The following ANXA10 variants were observed in gnomAD, a reference collection of about 807,000 sequenced individuals.
ANXA10 encodes the protein annexin A10, also known as annexin 14.
In ANXA10, 49 loss-of-function variants were observed where a neutral mutation model predicts 53.5. The ratio of observed to expected loss-of-function variants is 0.92; its 90% CI spans 0.73 to 1.16. The LOEUF (loss-of-function observed/expected upper bound fraction) is 1.16. Among genes scored for constraint, ANXA10 ranks in the 50% most tolerant of loss-of-function variants. The pLI, the probability that ANXA10 is intolerant of heterozygous loss-of-function variation, is 0.00. For missense variants in ANXA10, 393 were observed against 394.4 expected (o/e 1.00, Z 0.03); for synonymous variants, 131 against 128.9 (o/e 1.02, Z -0.11).
At chr4:168,180,678 G>A (rs1314885916) in intron 9 of ANXA10, among the ~76,000 whole-genome samples, 2 of 152,012 alleles carry the variant, frequency 1.3e-5, no homozygotes, top group Non-Finnish European at 2.9e-5. Context: ...AAAGATGAGG[G>A]TATAATCTCA....
In ANXA10 at chr4:168,127,791, A is replaced by G. The variant is rs374826122; in HGVS notation, c.19-293A>G. Reference sequence around the variant, plus strand: ...ACACACAGAATATACTTTCATTTTCATTTGTCTGGAAAACAATGTTGAAAC... The same window carrying G: ...ACACACAGAATATACTTTCATTTTCGTTTGTCTGGAAAACAATGTTGAAAC... On this transcript the variant is annotated intron_variant, in intron 1 of 11. Transcript: ENST00000359299. The G allele has an allele frequency of 1.8e-3, 667 of 367,466 alleles. 4 individuals are homozygous for G. The Middle Eastern group carries it at 0.03, about 17-fold the overall frequency. The allele number at this position is 367,466 out of a possible 1,614,324, so 22.8% of individuals were successfully genotyped here. A position where few individuals can be genotyped will look rare whatever the true frequency, so the allele number is the denominator to read the frequency against.
intron 1 of ANXA10, among the ~76,000 whole-genome samples, chr4:168,105,575 C>T (rs1730707416): frequency 6.6e-6 from 1 of 152,024 alleles, no homozygotes; most frequent in Non-Finnish European, 1.5e-5. Context: ...CTATAGTGAA[C>T]ATAAACATGC....
chr4:168,094,937 C>A (rs1730517839), intron 1 of ANXA10, among the ~76,000 whole-genome samples: 1 of 151,962 alleles, frequency 6.6e-6, no homozygotes, highest in Non-Finnish European at 1.5e-5. Flanking sequence ...TACTTATGTG[C>A]TTGACTGTAA....
At chr4:168,168,832 A>G (rs544657531) in intron 6 of ANXA10, among the ~76,000 whole-genome samples, 3 of 152,210 alleles carry the variant, frequency 2.0e-5, no homozygotes, top group Non-Finnish European at 4.4e-5. Context: ...ACTTATGATG[A>G]TGACTATATT....
chr4:168,180,333 C>T (rs1473138714), intron 9 of ANXA10, among the ~76,000 whole-genome samples: 1 of 152,298 alleles, frequency 6.6e-6, no homozygotes, highest in Admixed American at 6.5e-5. Flanking sequence ...TAAGTAACTG[C>T]CTCCAAGCCT....
intron 3 of ANXA10, among the ~76,000 whole-genome samples, chr4:168,144,552 T>G (rs1212793036): frequency 1.3e-5 from 2 of 152,242 alleles, no homozygotes; most frequent in Non-Finnish European, 2.9e-5. Context: ...TCAGTTTTTT[T>G]CTATCATTTC....
intron 1 of ANXA10, among the ~76,000 whole-genome samples, chr4:168,110,975 A>G (rs1477846463): frequency 1.3e-5 from 2 of 152,194 alleles, no homozygotes; most frequent in Non-Finnish European, 2.9e-5. Context: ...TCTAGATAAT[A>G]ATATCACTGG....
At chr4:168,117,157 C>A (rs1205235302) in intron 1 of ANXA10, among the ~76,000 whole-genome samples, 1 of 152,086 alleles carries the variant, frequency 6.6e-6, no homozygotes, top group Non-Finnish European at 1.5e-5. Flanking sequence ...GTGGGAAGAT[C>A]ACTTGAGCCT....
At chr4:168,118,809 T>A (rs926622892) in intron 1 of ANXA10, among the ~76,000 whole-genome samples, 2 of 152,178 alleles carry the variant, frequency 1.3e-5, no homozygotes, top group Non-Finnish European at 2.9e-5. Context: ...ACCTTCATGG[T>A]ATATCCTATT....
intron 1 of ANXA10, among the ~76,000 whole-genome samples, chr4:168,101,781 C>A (rs1331276488): frequency 1.3e-5 from 2 of 152,076 alleles, no homozygotes; most frequent in African/African-American, 4.8e-5. Context: ...TACTTTTGTA[C>A]ATGTGTATGC....
intron 3 of ANXA10, among the ~76,000 whole-genome samples, chr4:168,160,124 G>A (rs1731756490): frequency 6.6e-6 from 1 of 152,092 alleles, no homozygotes; most frequent in Admixed American, 6.6e-5. Flanking sequence ...GTAAACATGT[G>A]CCATGGTGGT....
Position 168,153,673 on chromosome 4 carries a change from A to G in ANXA10, c.196-8855A>G, listed in dbSNP as rs1249838742. ...TTGGAAAGACATATATTGAATGCCT[A>G]TAATATGCCATAAAATATTTTCAGA... is the stretch of plus-strand genomic sequence containing the variant. On this transcript the variant is annotated intron_variant, in intron 3 of 11. Coordinates refer to ENST00000359299, the MANE Select transcript of ANXA10 (RefSeq NM_007193.5). Among the ~76,000 whole-genome samples, 8 of 152,104 alleles carry G rather than the reference A, an allele frequency of 5.3e-5. 1 individual carries two copies. The highest frequency in any genetic ancestry group is 3.9e-4 in the Admixed American group (6 of 15,266).
intron 3 of ANXA10, among the ~76,000 whole-genome samples, chr4:168,145,033 G>A (rs531514573): frequency 3.9e-5 from 6 of 152,240 alleles, no homozygotes; most frequent in Non-Finnish European, 8.8e-5. Flanking sequence ...CAGAAAGTGT[G>A]GAGTGCTGAT....
chr4:168,139,488 T>G lies in ANXA10; in HGVS notation c.103T>G (p.Cys35Gly). 1 of 1,611,724 alleles carries G rather than the reference T, an allele frequency of 6.2e-7. No individual in the cohort carries two copies. Among genetic ancestry groups the G allele is most frequent in the Non-Finnish European group, 8.5e-7 (1 of 1,178,188 alleles). The change falls in exon 3 of 12, where the codon TGT becomes GGT. Residue 35 changes from cysteine to glycine, a missense_variant and splice_region_variant. Cys to Gly is a radical substitution (Grantham distance 159). Transcript: ENST00000359299. ...CTTCAAATATTATTCTTTTCCAGAC[T>G]GTGACAAAGACATGCTGATCAACAT... ...MLGGALQGFDCDKDMLINILT... is the reference protein window; with the variant it reads ...MLGGALQGFDGDKDMLINILT...
At chr4:168,165,184 C>T (rs768382494) in intron 5 of ANXA10, 63 bp from the exon 6 acceptor site, 41 of 1,110,486 alleles carry the variant, frequency 3.7e-5, no homozygotes, top group Non-Finnish European at 4.8e-5. Flanking sequence ...CATTAACTTA[C>T]TCAAAACACA....
chr4:168,177,948 T>A lies in ANXA10; in HGVS notation c.593T>A (p.Ile198Asn), dbSNP rs1560792239. Residue 198 changes from isoleucine (I) to asparagine (N), a missense_variant, in exon 8 of 12, where the codon ATC (isoleucine) becomes AAC (asparagine). Coordinates refer to ENST00000359299, the MANE Select transcript of ANXA10 (RefSeq NM_007193.5). ...TGEHKTMLQM[I>N]LCNKSYQQLR... is the part of the protein sequence containing the mutation. ...GAGCACAAAACCATGCTGCAAATGATCCTGTGCAACAAGAGCTACCAGCAG... is the reference window on the plus strand; with the variant it reads ...GAGCACAAAACCATGCTGCAAATGAACCTGTGCAACAAGAGCTACCAGCAG... 1.9e-6 allele frequency: 3 copies of A among 1,613,742 alleles called. No homozygotes were observed. The highest frequency in any genetic ancestry group is 2.5e-6 in the Non-Finnish European group (3 of 1,180,016).
chr4:168,182,728 C>T (rs1314405832), intron 10 of ANXA10, among the ~76,000 whole-genome samples: 1 of 150,052 alleles, frequency 6.7e-6, no homozygotes, highest in Non-Finnish European at 1.5e-5. Context: ...AAGAAAGTCT[C>T]GGCCGCGCGC....
chr4:168,115,505 A>ATG (rs1560961494), intron 1 of ANXA10, among the ~76,000 whole-genome samples: 9 of 131,882 alleles, frequency 6.8e-5, no homozygotes, highest in African/African-American at 3.1e-4. Flanking sequence ...ACGCACACAC[A>ATG]CACACACACA....
At chr4:168,182,629 G>C (rs1320223401) in intron 10 of ANXA10, among the ~76,000 whole-genome samples, 2 of 145,706 alleles carry the variant, frequency 1.4e-5, no homozygotes, top group Non-Finnish European at 3.0e-5. Context: ...CACCGCGCCC[G>C]GCCTGGAGCG....
Sources: allele counts gnomAD v4.1 joint callset (sites outside exome capture counted in the v4.1 genomes callset), GRCh38; gene constraint gnomAD v4.1.1; transcripts MANE v1.5; gene names NCBI Gene and HGNC (gene_info 2026-07-23, HGNC 2026-07-21).